The following KHDRBS2 variants were observed in gnomAD, a reference collection of about 807,000 sequenced individuals.
KHDRBS2 encodes KH RNA binding domain containing, signal transduction associated 2, also known as KH domain-containing, RNA-binding, signal transduction-associated protein 2.
Under a neutral mutation model 44.3 loss-of-function variants are expected in KHDRBS2, and 26 were observed. The ratio of observed to expected loss-of-function variants is 0.59; its 90% CI spans 0.43 to 0.81. KHDRBS2 has a LOEUF of 0.81. KHDRBS2 is among the 40% of genes least tolerant of loss of function. KHDRBS2 has a pLI of 0.00. For missense variants in KHDRBS2, 476 were observed against 433.1 expected (o/e 1.10, Z -0.88); for synonymous variants, 194 against 151.1 (o/e 1.28, Z -2.08).
In KHDRBS2 at chr6:62,177,948, C is replaced by T. The variant is rs988365054; in HGVS notation, c.92-636G>A. 7.3e-5 allele frequency among the ~76,000 whole-genome samples: 11 copies of T among 151,198 alleles called. No homozygotes were observed. In the Middle Eastern group the frequency reaches 0.01, roughly 143 times the overall value. On this transcript the variant is annotated intron_variant, in intron 1 of 8. Transcript: ENST00000281156. The stretch of plus-strand genomic sequence containing the variant: ...TTCGATATTTTGGAGCATACTTATC[C>T]ACTCCTTCATTTTTGAATCAATTTA...
At chr6:62,069,782 A>T (rs527853751) in intron 2 of KHDRBS2, among the ~76,000 whole-genome samples, 1 of 151,934 alleles carries the variant, frequency 6.6e-6, no homozygotes, top group African/African-American at 2.4e-5. Flanking sequence ...TTATGCACTT[A>T]GGATTTTATG....
At chr6:62,041,490 G>C (rs1254586252) in intron 3 of KHDRBS2, among the ~76,000 whole-genome samples, 6 of 151,912 alleles carry the variant, frequency 3.9e-5, no homozygotes, top group Non-Finnish European at 7.4e-5. Context: ...TTTTTTAATA[G>C]CTTAGTAAAC....
intron 1 of KHDRBS2, among the ~76,000 whole-genome samples, chr6:62,261,052 T>G (rs1838252031): frequency 6.6e-6 from 1 of 151,884 alleles, no homozygotes. Flanking sequence ...CAAACAGACA[T>G]ATTCACTTGT....
chr6:61,937,880 T>C (rs961153360), intron 4 of KHDRBS2, among the ~76,000 whole-genome samples: 3 of 152,110 alleles, frequency 2.0e-5, no homozygotes, highest in African/African-American at 7.2e-5. Flanking sequence ...AATTTCCTCT[T>C]AATTTCTGGC....
At chr6:61,552,569 T>C in the KHDRBS2 span, among the ~76,000 whole-genome samples, 2 of 152,148 alleles carry the variant, frequency 1.3e-5, no homozygotes, top group Non-Finnish European at 2.9e-5. Flanking sequence ...GCATCTTGTC[T>C]TTTTCTGATT....
chr6:62,109,601 A>G (rs1324092098), intron 2 of KHDRBS2, among the ~76,000 whole-genome samples: 3 of 152,044 alleles, frequency 2.0e-5, no homozygotes, highest in Non-Finnish European at 4.4e-5. Context: ...AGGATAAAAG[A>G]TCAATATATA....
At chr6:61,831,749 TC>T (rs1255090757) in intron 6 of KHDRBS2, among the ~76,000 whole-genome samples, 3 of 152,070 alleles carry the variant, frequency 2.0e-5, no homozygotes, top group African/African-American at 7.2e-5. Flanking sequence ...AGAAAACAAT[TC>T]CTTTTTGGCA....
intron 6 of KHDRBS2, among the ~76,000 whole-genome samples, chr6:61,854,704 A>G (rs1795914933): frequency 6.6e-6 from 1 of 152,196 alleles, no homozygotes; most frequent in African/African-American, 2.4e-5. Flanking sequence ...TATTTACAGA[A>G]TAGATTGCTT....
At chr6:62,105,382 C>A (rs182276684) in intron 2 of KHDRBS2, among the ~76,000 whole-genome samples, 93 of 152,146 alleles carry the variant, frequency 6.1e-4, no homozygotes, top group Non-Finnish European at 1.1e-3. Context: ...TAATAGGAAC[C>A]AACAGTTGTG....
chr6:62,244,151 G>T (rs1213339515), intron 1 of KHDRBS2, among the ~76,000 whole-genome samples: 1 of 152,024 alleles, frequency 6.6e-6, no homozygotes, highest in Non-Finnish European at 1.5e-5. Flanking sequence ...TAGGGTTTTT[G>T]TATCTAAACG....
the KHDRBS2 span, among the ~76,000 whole-genome samples, chr6:61,583,953 CTG>C: frequency 3.3e-5 from 5 of 151,348 alleles, no homozygotes; most frequent in African/African-American, 9.7e-5. Flanking sequence ...TTTTGCATAA[CTG>C]TTTAATGTTT....
chr6:62,273,616 A>G (rs562398227), intron 1 of KHDRBS2, among the ~76,000 whole-genome samples: 2 of 152,118 alleles, frequency 1.3e-5, no homozygotes, highest in Non-Finnish European at 2.9e-5. Flanking sequence ...TGTCCTTTCT[A>G]TTGCATTTTA....
At chr6:61,773,655 C>A (rs1471816983) in intron 6 of KHDRBS2, among the ~76,000 whole-genome samples, 1 of 150,268 alleles carries the variant, frequency 6.7e-6, no homozygotes, top group Non-Finnish European at 1.5e-5. Context: ...TAATTAGATC[C>A]CATTTGTCAA....
chr6:61,991,529 G>A (rs1776136116), intron 3 of KHDRBS2, among the ~76,000 whole-genome samples: 1 of 152,084 alleles, frequency 6.6e-6, no homozygotes, highest in South Asian at 2.1e-4. Context: ...CTGGGCAAGA[G>A]GATCTCAATA....
chr6:61,819,949 A>G (rs1789617844), intron 6 of KHDRBS2, among the ~76,000 whole-genome samples: 1 of 152,064 alleles, frequency 6.6e-6, no homozygotes. Context: ...AATAAAAAGC[A>G]TTGTCAAACA....
intron 1 of KHDRBS2, among the ~76,000 whole-genome samples, chr6:62,214,811 C>T (rs951980799): frequency 6.6e-6 from 1 of 151,940 alleles, no homozygotes; most frequent in African/African-American, 2.4e-5. Context: ...TGCTTTTCTT[C>T]TTTCTGTAAC....
At chr6:62,010,188 C>T (rs138726286) in intron 3 of KHDRBS2, among the ~76,000 whole-genome samples, 3 of 152,294 alleles carry the variant, frequency 2.0e-5, no homozygotes, top group East Asian at 1.9e-4. Context: ...GGATGTGAGA[C>T]ATGGAGTGAG....
intron 3 of KHDRBS2, among the ~76,000 whole-genome samples, chr6:61,986,877 C>T (rs1218717617): frequency 6.6e-6 from 1 of 152,132 alleles, no homozygotes; most frequent in Non-Finnish European, 1.5e-5. Flanking sequence ...CCCCCAAAGG[C>T]CCCACTTCCA....
At chr6:61,567,632 C>T in the KHDRBS2 span, among the ~76,000 whole-genome samples, 3 of 152,090 alleles carry the variant, frequency 2.0e-5, 1 homozygote, top group South Asian at 6.2e-4. Context: ...CAAACAGAGA[C>T]CTTGTCTTAA....
Sources: allele counts gnomAD v4.1 joint callset (sites outside exome capture counted in the v4.1 genomes callset), GRCh38; gene constraint gnomAD v4.1.1; transcripts MANE v1.5; gene names NCBI Gene and HGNC (gene_info 2026-07-23, HGNC 2026-07-21).